PUDP: variants seen among roughly 807,000 people sequenced by gnomAD.
The protein encoded by PUDP is pseudouridine 5'-phosphatase.
Under a neutral mutation model 9.4 loss-of-function variants are expected in PUDP, and 8 were observed. That is an observed-to-expected ratio of 0.85 (90% CI 0.50 to 1.53). The LOEUF (loss-of-function observed/expected upper bound fraction) is 1.53, where lower values mean the gene tolerates loss of function less well. Among genes scored for constraint, PUDP ranks in the 40% most tolerant of loss-of-function variants. The pLI is 0.00. For missense variants in PUDP, 188 were observed against 189.7 expected (o/e 0.99, Z 0.05); for synonymous variants, 99 against 80.7 (o/e 1.23, Z -1.22).
At chrX:6,917,364 C>T (rs917485458) in intron 3 of PUDP, among the ~76,000 whole-genome samples, 12 of 81,243 alleles carry the variant, frequency 1.5e-4, no homozygotes, top group African/African-American at 6.3e-5. Flanking sequence ...AAAACCCTAA[C>T]TCAAAATTAA....
intron 3 of PUDP, among the ~76,000 whole-genome samples, chrX:6,888,589 G>T (rs1927465281): frequency 9.0e-6 from 1 of 111,203 alleles, no homozygotes; most frequent in Admixed American, 9.6e-5. Flanking sequence ...GGTGGAGGTT[G>T]CAGTGAGCCG....
chrX:6,711,728 T>C (rs1466862414), intron 1 of PUDP, among the ~76,000 whole-genome samples: 3 of 111,459 alleles, frequency 2.7e-5, no homozygotes, highest in Non-Finnish European at 5.7e-5. Context: ...AGGAAGAGAT[T>C]TAGGCTTTGT....
At chrX:6,808,727 G>C in intron 3 of PUDP, among the ~76,000 whole-genome samples, 1 of 112,189 alleles carries the variant, frequency 8.9e-6, no homozygotes, top group Non-Finnish European at 1.9e-5. Flanking sequence ...CACAGTGAAA[G>C]AAAGATCTTA....
chrX:7,089,018 T>G (rs184881987), intron 2 of PUDP, among the ~76,000 whole-genome samples: 104 of 111,927 alleles, frequency 9.3e-4, no homozygotes, highest in African/African-American at 3.3e-3. Context: ...CTAAGCCTCT[T>G]GAAAGGGAGG....
intron 1 of PUDP, among the ~76,000 whole-genome samples, chrX:7,120,949 G>T (rs1318866406): frequency 8.9e-6 from 1 of 111,930 alleles, no homozygotes; most frequent in Non-Finnish European, 1.9e-5. Context: ...TTCAGAAGCA[G>T]ACCAGTGGTT....
chrX:7,132,168 G>C (rs983005576), intron 1 of PUDP, among the ~76,000 whole-genome samples: 1 of 111,251 alleles, frequency 9.0e-6, no homozygotes, highest in Non-Finnish European at 1.9e-5. Context: ...TCAGTATCTG[G>C]CAACTGGTGG....
chrX:6,948,924 G>C (rs1006846619), intron 3 of PUDP, among the ~76,000 whole-genome samples: 2 of 112,022 alleles, frequency 1.8e-5, no homozygotes, highest in Non-Finnish European at 3.8e-5. Context: ...AGGCAGAACT[G>C]GAATATAATT....
intron 3 of PUDP, among the ~76,000 whole-genome samples, chrX:6,898,125 G>T (rs1182291912): frequency 2.7e-5 from 3 of 112,057 alleles, no homozygotes; most frequent in Admixed American, 9.4e-5. Flanking sequence ...GCAGTGAGAT[G>T]TGAAGGTGAA....
intron 1 of PUDP, among the ~76,000 whole-genome samples, chrX:7,132,032 C>A (rs1932633703): frequency 9.0e-6 from 1 of 110,568 alleles, no homozygotes; most frequent in African/African-American, 3.3e-5. Context: ...TTGTCTCTAG[C>A]AGATGAATGA....
intron 3 of PUDP, among the ~76,000 whole-genome samples, chrX:6,739,156 C>T (rs1186676371): frequency 9.0e-6 from 1 of 111,671 alleles, no homozygotes; most frequent in East Asian, 2.8e-4. Flanking sequence ...CACATTCACA[C>T]GCCAGGTGTT....
intron 3 of PUDP, among the ~76,000 whole-genome samples, chrX:6,951,287 C>T (rs756317422): frequency 2.7e-5 from 3 of 109,546 alleles, no homozygotes; most frequent in African/African-American, 6.6e-5. Flanking sequence ...TCTATCTATC[C>T]ATCCATCCAT....
chrX:7,143,821 C>T (rs1467609805), intron 1 of PUDP, among the ~76,000 whole-genome samples: 1 of 111,866 alleles, frequency 8.9e-6, no homozygotes, highest in Non-Finnish European at 1.9e-5. Flanking sequence ...AATCATGGCC[C>T]CTGAGATAAG....
intron 3 of PUDP, among the ~76,000 whole-genome samples, chrX:6,818,152 G>A (rs759445206): frequency 9.0e-6 from 1 of 111,205 alleles, no homozygotes; most frequent in African/African-American, 3.3e-5. Flanking sequence ...GAAAGTCACA[G>A]TACCACACAC....
intron 1 of PUDP, among the ~76,000 whole-genome samples, chrX:7,014,358 C>G (rs1301168032): frequency 5.4e-5 from 6 of 110,458 alleles, no homozygotes; most frequent in Admixed American, 4.8e-4. Flanking sequence ...TTCCCTGTCT[C>G]CTGTCCATAT....
intron 1 of PUDP, among the ~76,000 whole-genome samples, chrX:6,715,074 T>A: frequency 9.1e-6 from 1 of 110,042 alleles, no homozygotes; most frequent in Middle Eastern, 4.6e-3. Context: ...ACACATAAAA[T>A]GTAAAGGAAC....
At chrX:6,950,406 C>CTTTTTTTTTTTTTT (rs768745445) in intron 3 of PUDP, among the ~76,000 whole-genome samples, 1 of 68,645 alleles carries the variant, frequency 1.5e-5, no homozygotes, top group African/African-American at 6.1e-5. Context: ...TTAGTCATTT[C>CTTTTTTTTTTTTTT]TTTTTTTTTT....
chrX:7,028,169 C>T (rs1299656393), intron 1 of PUDP, among the ~76,000 whole-genome samples: 2 of 108,125 alleles, frequency 1.8e-5, no homozygotes, highest in Non-Finnish European at 3.8e-5. Context: ...ATAGTCTAGA[C>T]TATATAACAA....
intron 1 of PUDP, chrX:6,989,681 G>C (rs1929150523): frequency 8.8e-6 from 1 of 113,386 alleles, no homozygotes; most frequent in Non-Finnish European, 1.9e-5. Context: ...CATGGGAAGT[G>C]CCTTTTAGAT....
intron 3 of PUDP, among the ~76,000 whole-genome samples, chrX:6,751,422 A>G (rs999113707): frequency 9.0e-6 from 1 of 111,565 alleles, no homozygotes; most frequent in African/African-American, 3.3e-5. Context: ...ATGGAGGGAC[A>G]TTTTGGCACT....
Sources: allele counts gnomAD v4.1 joint callset (sites outside exome capture counted in the v4.1 genomes callset), GRCh38; gene constraint gnomAD v4.1.1; transcripts MANE v1.5; gene names NCBI Gene and HGNC (gene_info 2026-07-23, HGNC 2026-07-21).